Variants in GOLGB1 observed in about 807,000 individuals in gnomAD.
GOLGB1 encodes golgin B1, also known as golgin subfamily B member 1.
A neutral mutation model predicts 336.9 loss-of-function variants in GOLGB1; 174 were observed. That is an observed-to-expected ratio of 0.52 (90% CI 0.46 to 0.59). The LOEUF is 0.59. Ranked by LOEUF, GOLGB1 falls within the 20% of genes least tolerant of loss-of-function variation. The pLI, the probability that GOLGB1 is intolerant of heterozygous loss-of-function variation, is 0.00. For synonymous variants in GOLGB1, 1,208 were observed against 1,289.2 expected, an observed-to-expected ratio of 0.94 and a Z score of 1.35; for missense variants, 3,331 against 3,645.3, an observed-to-expected ratio of 0.91 and a Z score of 2.22.
At chr3:121,733,705 C>T (rs1946281354) in intron 1 of GOLGB1, among the ~76,000 whole-genome samples, 1 of 152,126 alleles carries the variant, frequency 6.6e-6, no homozygotes, top group Non-Finnish European at 1.5e-5. Context: ...AAAGCATAGA[C>T]ACACAGATAA....
At chr3:121,718,701 A>G (rs1944962933) in intron 7 of GOLGB1, among the ~76,000 whole-genome samples, 200 bp from the exon 8 acceptor site, 1 of 152,164 alleles carries the variant, frequency 6.6e-6, no homozygotes, top group Non-Finnish European at 1.5e-5. Flanking sequence ...CCAGAGCACC[A>G]ACAACAACCA....
chr3:121,671,472 A>G (rs1939523720), intron 17 of GOLGB1, among the ~76,000 whole-genome samples: 1 of 152,188 alleles, frequency 6.6e-6, no homozygotes, highest in African/African-American at 2.4e-5. Context: ...TTTGCATATA[A>G]CTTATACACA....
chr3:121,669,293 ACT>A lies in GOLGB1; in HGVS notation c.9238_9239del (p.Leu3081SerfsTer2). The A allele has an allele frequency of 6.2e-7, 1 of 1,613,730 alleles. No individual in the cohort carries two copies. Among genetic ancestry groups the A allele is most frequent in the South Asian group, 1.1e-5 (1 of 91,064 alleles). ...CATAGTGCTGCTGGTTCTCACGAAGACTCTGACTGGTATCGCAGAGCTGAATG... is the reference window on the plus strand; with the variant it reads ...CATAGTGCTGCTGGTTCTCACGAAGACTGACTGGTATCGCAGAGCTGAATG... ...LSIQLCDTSQ[S>X]LRENQQHYGD... On this transcript the variant is annotated frameshift_variant, in exon 18 of 22. Coordinates refer to ENST00000614479, the MANE Select transcript of GOLGB1 (RefSeq NM_001366282.2). LOFTEE classifies it high-confidence loss of function.
intron 5 of GOLGB1, among the ~76,000 whole-genome samples, chr3:121,725,800 G>A (rs1370306504): frequency 6.6e-6 from 1 of 151,844 alleles, no homozygotes; most frequent in Non-Finnish European, 1.5e-5. Context: ...CATAGAAGGG[G>A]AACTGGTAGC....
At position 121,695,089 on chromosome 3, in the gene GOLGB1, T is replaced by C. The variant is rs775843929; in HGVS notation, c.5434A>G (p.Thr1812Ala). ...TEEQDSLSMS[T>A]RPTCSESVPS... ...ACCGATTCTGAACATGTAGGTCTTG[T>C]GCTCATACTCAGAGAGTCTTGCTCT... is the stretch of plus-strand genomic sequence containing the variant. Residue 1812 changes from threonine (T) to alanine (A), a missense_variant, in exon 13 of 22, where the codon ACA becomes GCA. Coordinates refer to ENST00000614479, the MANE Select transcript of GOLGB1 (RefSeq NM_001366282.2). 4 of 1,613,994 alleles carry C rather than the reference T, an allele frequency of 2.5e-6. No homozygotes were observed. The highest frequency in any genetic ancestry group is 2.5e-6 in the Non-Finnish European group (3 of 1,180,018).
chr3:121,665,739 A>G (rs1465149861), intron 20 of GOLGB1, among the ~76,000 whole-genome samples: 2 of 152,214 alleles, frequency 1.3e-5, no homozygotes, highest in South Asian at 2.1e-4. Flanking sequence ...GCATTTGCCT[A>G]TAGGGATGAA....
chr3:121,709,572 A>G (rs976902960), intron 10 of GOLGB1, among the ~76,000 whole-genome samples: 1 of 152,212 alleles, frequency 6.6e-6, no homozygotes, highest in Non-Finnish European at 1.5e-5. Flanking sequence ...TTTAGAACAC[A>G]CTTCTAAACA....
At chr3:121,688,545 C>T (rs973458891) in intron 14 of GOLGB1, among the ~76,000 whole-genome samples, 1 of 152,178 alleles carries the variant, frequency 6.6e-6, no homozygotes, top group African/African-American at 2.4e-5. Context: ...ACAACCTCCA[C>T]CTCCCAGCCG....
chr3:121,669,095 C>T (rs1322389602), intron 18 of GOLGB1, 117 bp downstream of exon 18: 17 of 965,200 alleles, frequency 1.8e-5, no homozygotes, highest in Non-Finnish European at 2.6e-5. Context: ...TCTTCTCTCC[C>T]ACTTTCTTCC....
In GOLGB1 at chr3:121,697,536, C is replaced by T; in HGVS notation, c.2987G>A (p.Arg996Lys). The change falls in exon 13 of 22, where the codon AGA becomes AAA. Residue 996 changes from arginine to lysine, a missense_variant. Coordinates refer to ENST00000614479, the MANE Select transcript of GOLGB1 (RefSeq NM_001366282.2). ...AAGAGCTGCCTGGAGCTTTCTCTTT[C>T]TCTGCTCATTTTCTTTCTTCAGAAG... Reference protein sequence around the residue: ...FDLLKKENEQRKRKLQAALIN... With the variant: ...FDLLKKENEQKKRKLQAALIN... The T allele has an allele frequency of 6.2e-7, 1 of 1,613,740 alleles. No homozygotes were observed.
intron 14 of GOLGB1, among the ~76,000 whole-genome samples, chr3:121,690,441 T>C (rs1942301703): frequency 6.6e-6 from 1 of 152,226 alleles, no homozygotes; most frequent in Non-Finnish European, 1.5e-5. Flanking sequence ...GAGAGTTTTG[T>C]GCCAAGGAAA....
At chr3:121,689,015 G>C (rs1005114988) in intron 14 of GOLGB1, among the ~76,000 whole-genome samples, 4 of 150,508 alleles carry the variant, frequency 2.7e-5, no homozygotes, top group East Asian at 2.0e-4. Flanking sequence ...GGAGGGAGGT[G>C]GGGGGGTCAG....
At position 121,677,014 on chromosome 3, in the gene GOLGB1, G is replaced by A. The variant is rs182981868; in HGVS notation, c.9056C>T (p.Ser3019Leu). Residue 3019 changes from serine to leucine, a missense_variant, in exon 17 of 22, where the codon TCA becomes TTA. Ser to Leu is a moderately radical substitution (Grantham distance 145, BLOSUM62 -2). Coordinates refer to ENST00000614479, the MANE Select transcript of GOLGB1 (RefSeq NM_001366282.2). Reference sequence around the variant, plus strand: ...ATTTTGTGACCCATCTGGGGAAGCTGATGTCTCTGGGGATGCCTGCCAGGA... The same window carrying A: ...ATTTTGTGACCCATCTGGGGAAGCTAATGTCTCTGGGGATGCCTGCCAGGA... The part of the protein sequence containing the change: ...QYQRQASPET[S>L]ASPDGSQNLV... The A allele has an allele frequency of 1.9e-6, 3 of 1,614,002 alleles. No individual in the cohort carries two copies. The highest frequency in any genetic ancestry group is 1.7e-5 in the Admixed American group (1 of 60,020).
At position 121,697,428 on chromosome 3, in the gene GOLGB1, ATTTC is replaced by A; in HGVS notation, c.3091_3094del (p.Glu1031SerfsTer25). ...TCCCCTCTCAGTCTCACTGAGTGGG[ATTTC>A]TTTCTTAGATTCATCTTTCAAGTTG... On this transcript the variant is annotated frameshift_variant, in exon 13 of 22. Coordinates refer to ENST00000614479, the MANE Select transcript of GOLGB1 (RefSeq NM_001366282.2). LOFTEE classifies it high-confidence loss of function. The A allele has an allele frequency of 1.9e-6, 3 of 1,610,816 alleles. No individual in the cohort carries two copies. The highest frequency in any genetic ancestry group is 2.5e-6 in the Non-Finnish European group (3 of 1,179,074).
intron 1 of GOLGB1, among the ~76,000 whole-genome samples, chr3:121,744,164 T>C (rs1947080287): frequency 6.6e-6 from 1 of 152,134 alleles, no homozygotes; most frequent in Non-Finnish European, 1.5e-5. Context: ...TTGAGAAACA[T>C]TTAATTTAAA....
rs1576369770 is a variant in GOLGB1 at position 121,702,737 on chromosome 3, T to C, written c.1405-142A>G. The C allele has an allele frequency of 1.0e-5, 4 of 384,574 alleles. No homozygotes were observed. In the East Asian group the frequency reaches 1.5e-4, roughly 14 times the overall value. 23.8% of individuals were successfully genotyped at this position (384,574 alleles called of 1,614,324 possible). A position where few individuals can be genotyped will look rare whatever the true frequency, so the allele number is the denominator to read the frequency against. On this transcript the variant is annotated intron_variant, in intron 10 of 21. Transcript: ENST00000614479. ...TAAAAATAACATCTACTTATCTGCC[T>C]AGGTAATCTTTGAAGAAAAGTGTTT...
chr3:121,691,384 A>G lies in GOLGB1; in HGVS notation c.7980T>C (p.Ile2660=). 1 of 1,613,338 alleles carries G rather than the reference A, an allele frequency of 6.2e-7. No homozygotes were observed. The highest frequency in any genetic ancestry group is 1.1e-5 in the South Asian group (1 of 90,840). ...AAACCAATTCTTCTTCCAGTTCTGC[A>G]ATTCTCTTTTGAGAGGAGGAAAACA... is the stretch of plus-strand genomic sequence containing the variant. ...SALFSSSQKR[I]AELEEELVCV... Residue 2660 remains isoleucine, a synonymous_variant, in exon 14 of 22, where the codon ATT becomes ATC. Coordinates refer to ENST00000614479, the MANE Select transcript of GOLGB1 (RefSeq NM_001366282.2).
intron 8 of GOLGB1, among the ~76,000 whole-genome samples, chr3:121,717,747 C>A (rs1202004863): frequency 6.6e-6 from 1 of 152,100 alleles, no homozygotes; most frequent in Non-Finnish European, 1.5e-5. Context: ...AGAAGAGTAA[C>A]TGATGAAAAA....
At chr3:121,737,608 C>T (rs569978876) in intron 1 of GOLGB1, among the ~76,000 whole-genome samples, 3 of 150,364 alleles carry the variant, frequency 2.0e-5, no homozygotes, top group Non-Finnish European at 4.4e-5. Context: ...CCAAGATTCG[C>T]ACCACTGCAC....
Sources: gnomAD v4.1 joint callset for allele counts (sites outside exome capture counted in the v4.1 genomes callset) on GRCh38, gnomAD v4.1.1 for gene constraint, MANE v1.5 for transcripts, NCBI Gene and HGNC (gene_info 2026-07-23, HGNC 2026-07-21) for gene names.